CEP162: variants seen among roughly 807,000 people sequenced by gnomAD.
CEP162 encodes the protein centrosomal protein of 162 kDa.
Under a neutral mutation model 169.2 loss-of-function variants are expected in CEP162, and 141 were observed. That is an observed-to-expected ratio of 0.83 (90% CI 0.73 to 0.96). CEP162 has a LOEUF of 0.96. Among genes scored for constraint, CEP162 ranks in the 40% least tolerant of loss-of-function variants. The pLI is 0.00. For missense variants in CEP162, 1,600 were observed against 1,587.2 expected (o/e 1.01, Z -0.14); for synonymous variants, 540 against 526.4 (o/e 1.03, Z -0.35).
chr6:84,221,485 A>T (rs1588899120), intron 2 of CEP162, among the ~76,000 whole-genome samples: 1 of 152,226 alleles, frequency 6.6e-6, no homozygotes, highest in Non-Finnish European at 1.5e-5. Context: ...TCTTCTAGAC[A>T]TTCTCTAGGG....
Position 84,221,095 on chromosome 6 carries a change from ACTGTATCTTT to A in CEP162, c.124_133del (p.Lys42CysfsTer5). On this transcript the variant is annotated frameshift_variant, in exon 3 of 27. Coordinates refer to ENST00000403245, the MANE Select transcript of CEP162 (RefSeq NM_014895.4). LOFTEE classifies it high-confidence loss of function. ...ATCATCTTCAGTTATCCACCAAGGC[ACTGTATCTTT>A]CTTCTTCATCTCTTTTTTAGATTGT... The A allele has an allele frequency of 6.2e-7, 1 of 1,601,036 alleles. No individual in the cohort carries two copies. Among genetic ancestry groups the A allele is most frequent in the Non-Finnish European group, 8.6e-7 (1 of 1,168,842 alleles).
At chr6:84,211,227 A>C (rs1164065210) in intron 6 of CEP162, among the ~76,000 whole-genome samples, 1 of 150,764 alleles carries the variant, frequency 6.6e-6, no homozygotes, top group Non-Finnish European at 1.5e-5. Flanking sequence ...AGTGAAAGAA[A>C]AAAAAAAAGG....
chr6:84,185,283 T>C lies in CEP162; in HGVS notation c.1567A>G (p.Lys523Glu). The C allele has an allele frequency of 1.9e-6, 3 of 1,613,788 alleles. No individual in the cohort carries two copies. Among genetic ancestry groups the C allele is most frequent in the Non-Finnish European group, 2.5e-6 (3 of 1,179,706 alleles). The change falls in exon 13 of 27, where the codon AAG (lysine) becomes GAG (glutamate). Residue 523 changes from lysine (K) to glutamate (E), a missense_variant. Transcript: ENST00000403245. ...TTCTTTTCAAGAGTAGAAAACATCT[T>C]GAGTGGTGAACTGGGTTTGCCATAG... ...SGYGKPSSPL[K>E]MFSTLEKKTS...
chr6:84,226,965 A>G (rs1294480187), intron 1 of CEP162, among the ~76,000 whole-genome samples: 1 of 152,262 alleles, frequency 6.6e-6, no homozygotes, highest in African/African-American at 2.4e-5. Context: ...TTCAAAATAT[A>G]CACAAATAGA....
intron 18 of CEP162, among the ~76,000 whole-genome samples, chr6:84,165,945 C>A (rs2099527642): frequency 6.6e-6 from 1 of 152,124 alleles, no homozygotes; most frequent in South Asian, 2.1e-4. Flanking sequence ...GCTCTTTCTG[C>A]AAAAACCTGT....
At chr6:84,154,914 TTC>T (rs1263583134) in intron 22 of CEP162, among the ~76,000 whole-genome samples, 3 of 152,208 alleles carry the variant, frequency 2.0e-5, no homozygotes, top group African/African-American at 7.2e-5. Context: ...AAATGTATAC[TTC>T]TGTCTTATTC....
chr6:84,223,000 T>C (rs529393066), intron 2 of CEP162, among the ~76,000 whole-genome samples: 2 of 152,330 alleles, frequency 1.3e-5, no homozygotes, highest in East Asian at 1.9e-4. Context: ...AGTATCACCT[T>C]GAGGTGTTCC....
chr6:84,172,688 A>G (rs1437200661), intron 16 of CEP162, among the ~76,000 whole-genome samples: 1 of 152,180 alleles, frequency 6.6e-6, no homozygotes, highest in East Asian at 1.9e-4. Context: ...AACTGAAGGC[A>G]GTGTGTCCTG....
At position 84,142,774 on chromosome 6, in the gene CEP162, C is replaced by T. The variant is rs142531963; in HGVS notation, c.3870+3913G>A. 6.4e-3 allele frequency among the ~76,000 whole-genome samples: 975 copies of T among 152,172 alleles called. 12 individuals carry two copies. Among genetic ancestry groups the T allele is most frequent in the African/African-American group, 0.022 (913 of 41,526 alleles). The stretch of plus-strand genomic sequence containing the variant: ...CCTAGGAGTTCATCCCCAAATCAAA[C>T]GTGCAAGTCGAAGTACAGTATCCAT... On this transcript the variant is annotated intron_variant, in intron 25 of 26. Transcript: ENST00000403245.
intron 7 of CEP162, among the ~76,000 whole-genome samples, chr6:84,202,603 C>T: frequency 7.2e-6 from 1 of 138,378 alleles, no homozygotes; most frequent in East Asian, 2.3e-4. Flanking sequence ...TCTTGGCTCA[C>T]TGCAACCTCT....
At chr6:84,154,231 G>A (rs1390685388) in intron 22 of CEP162, among the ~76,000 whole-genome samples, 2 of 152,106 alleles carry the variant, frequency 1.3e-5, no homozygotes, top group South Asian at 2.1e-4. Context: ...GTTTACACCT[G>A]ACAGTCTTAT....
intron 5 of CEP162, among the ~76,000 whole-genome samples, chr6:84,213,681 A>G (rs1408109316): frequency 6.6e-6 from 1 of 152,232 alleles, no homozygotes; most frequent in Non-Finnish European, 1.5e-5. Context: ...TGCATGTTCA[A>G]TGCTATTCTG....
chr6:84,179,003 T>C (rs962020372), intron 13 of CEP162, among the ~76,000 whole-genome samples: 7 of 152,222 alleles, frequency 4.6e-5, no homozygotes, highest in South Asian at 2.1e-4. Context: ...TCCTTTTTTA[T>C]GGCTGCATAG....
chr6:84,179,431 A>C (rs2099533795), intron 13 of CEP162, among the ~76,000 whole-genome samples: 1 of 152,052 alleles, frequency 6.6e-6, no homozygotes, highest in Non-Finnish European at 1.5e-5. Context: ...GCATTTTTTC[A>C]TGTGTCTGTT....
intron 17 of CEP162, 22 bp from the exon 18 acceptor site, chr6:84,169,455 A>T: frequency 6.9e-7 from 1 of 1,455,922 alleles, no homozygotes; most frequent in Non-Finnish European, 9.3e-7. Context: ...TGAAAATAAA[A>T]AGTTGTTTTT....
chr6:84,164,209 G>A (rs1473994667), intron 18 of CEP162, among the ~76,000 whole-genome samples: 1 of 152,162 alleles, frequency 6.6e-6, no homozygotes, highest in Non-Finnish European at 1.5e-5. Flanking sequence ...ACAGATGCTG[G>A]CAAGGATGCG....
intron 11 of CEP162, among the ~76,000 whole-genome samples, chr6:84,188,361 T>C (rs1040138075): frequency 3.3e-5 from 5 of 152,038 alleles, no homozygotes; most frequent in Non-Finnish European, 7.4e-5. Context: ...ACCCAATAGG[T>C]AGTTTTTCGA....
At chr6:84,190,016 C>T (rs2099539115) in intron 11 of CEP162, among the ~76,000 whole-genome samples, 1 of 151,794 alleles carries the variant, frequency 6.6e-6, no homozygotes. Context: ...TACCAATCAG[C>T]ACCCTGTGTT....
At chr6:84,154,326 A>ATCTGTCTGTCTG (rs201436483) in intron 22 of CEP162, among the ~76,000 whole-genome samples, 160 of 147,934 alleles carry the variant, frequency 1.1e-3, no homozygotes, top group South Asian at 6.5e-3. Flanking sequence ...CTATCTATCT[A>ATCTGTCTGTCTG]TCTATCTGTC....
Sources: gnomAD v4.1 joint callset for allele counts (sites outside exome capture counted in the v4.1 genomes callset) on GRCh38, gnomAD v4.1.1 for gene constraint, MANE v1.5 for transcripts, NCBI Gene and HGNC (gene_info 2026-07-23, HGNC 2026-07-21) for gene names.